Variants in RNF144A observed in about 807,000 individuals in gnomAD.
RNF144A encodes the protein E3 ubiquitin-protein ligase RNF144A.
Under a neutral mutation model 38.7 loss-of-function variants are expected in RNF144A, and 11 were observed. The ratio of observed to expected loss-of-function variants is 0.28; its 90% CI spans 0.18 to 0.47. The LOEUF is 0.47. Among genes scored for constraint, RNF144A ranks in the 20% least tolerant of loss-of-function variants. The pLI is 0.99. For missense variants in RNF144A, 316 were observed against 377.2 expected (o/e 0.84, Z 1.34); for synonymous variants, 149 against 143.9 (o/e 1.04, Z -0.25).
chr2:6,975,655 TC>T lies in RNF144A; in HGVS notation c.-11-21260del, dbSNP rs537892799. Among the ~76,000 whole-genome samples the T allele has an allele frequency of 1.2e-3, 186 of 152,246 alleles. No homozygotes were observed. The South Asian group carries it at 0.014, about 11-fold the overall frequency. The stretch of plus-strand genomic sequence containing the variant: ...CTGGGCAACAAGTTGAAAGCCCATC[TC>T]TGCAAAAAATGCAAAAATTAGTCAG... On this transcript the variant is annotated intron_variant, in intron 2 of 8. Transcript: ENST00000320892.
downstream of RNF144A, among the ~76,000 whole-genome samples, chr2:7,048,186 G>C (rs1013846727): frequency 1.3e-5 from 2 of 152,120 alleles, no homozygotes; most frequent in Admixed American, 6.5e-5. Context: ...AGGCACACCC[G>C]TACGATCTCA....
chr2:7,063,078 T>C (rs1449508165), intron 6 of RNF144A, among the ~76,000 whole-genome samples: 1 of 151,240 alleles, frequency 6.6e-6, no homozygotes, highest in African/African-American at 2.5e-5. Context: ...GGACACCTAG[T>C]CTGAATGCTA....
downstream of RNF144A, among the ~76,000 whole-genome samples, chr2:7,072,147 G>A (rs1439358664): frequency 1.3e-5 from 2 of 152,248 alleles, no homozygotes; most frequent in Non-Finnish European, 2.9e-5. Flanking sequence ...ATTGGGCAAT[G>A]AGCAGAGGCT....
chr2:7,018,611 C>A (rs3771963), intron 5 of RNF144A, among the ~76,000 whole-genome samples: 5,645 of 152,352 alleles, frequency 0.037, 190 homozygotes, highest in South Asian at 0.15. Context: ...CCACAGACAA[C>A]AACTGCGTTT....
chr2:6,985,797 C>T (rs1366405679), intron 2 of RNF144A, among the ~76,000 whole-genome samples: 5 of 152,146 alleles, frequency 3.3e-5, no homozygotes, highest in South Asian at 2.1e-4. Context: ...CTCAGCCTCC[C>T]GAGTAGCTGG....
In RNF144A at chr2:7,031,867, C is replaced by T. The variant is rs549468274; in HGVS notation, c.747+1652C>T. Among the ~76,000 whole-genome samples, 22 of 152,356 alleles carry T rather than the reference C, an allele frequency of 1.4e-4. No individual in the cohort carries two copies. In the South Asian group the frequency reaches 2.1e-3, roughly 14 times the overall value. On this transcript the variant is annotated intron_variant, in intron 8 of 8. Transcript: ENST00000320892. ...TGCTGCACCTGTCAACTCCACCTGG[C>T]GGCACAGAAGCTGCCAACGGTACGT...
chr2:7,007,394 G>A (rs1353770135), intron 3 of RNF144A, among the ~76,000 whole-genome samples: 2 of 152,196 alleles, frequency 1.3e-5, no homozygotes, highest in Non-Finnish European at 2.9e-5. Flanking sequence ...GACATTCTGA[G>A]TATTTGCACG....
At chr2:6,919,680 G>T (rs576815259) in intron 1 of RNF144A, among the ~76,000 whole-genome samples, 1 of 152,288 alleles carries the variant, frequency 6.6e-6, no homozygotes, top group African/African-American at 2.4e-5. Context: ...GGCATCAAAG[G>T]CTGTGGATGG....
At chr2:7,034,614 G>A (rs12476778) in intron 8 of RNF144A, among the ~76,000 whole-genome samples, 19,503 of 152,296 alleles carry the variant, frequency 0.13, 2,000 homozygotes, top group East Asian at 0.56. Flanking sequence ...TTTGTGGCAC[G>A]TGCACCTGCC....
chr2:7,049,529 T>G (rs309291), intron 6 of RNF144A, among the ~76,000 whole-genome samples: 54,683 of 152,082 alleles, frequency 0.36, 10,770 homozygotes, highest in South Asian at 0.56. Context: ...AGGATGAAGA[T>G]GACAAAAATT....
At chr2:7,056,392 G>T (rs1276291715) in intron 6 of RNF144A, among the ~76,000 whole-genome samples, 5 of 151,828 alleles carry the variant, frequency 3.3e-5, no homozygotes, top group African/African-American at 1.2e-4. Context: ...CCTTATCTTG[G>T]GACATGTCTC....
intron 2 of RNF144A, among the ~76,000 whole-genome samples, chr2:6,981,370 G>T (rs950450585): frequency 6.6e-6 from 1 of 151,022 alleles, no homozygotes; most frequent in African/African-American, 2.4e-5. Flanking sequence ...ATTTCATATC[G>T]TCTCTTTGTG....
In RNF144A at chr2:7,038,199, C is replaced by T. The variant is rs151139518; in HGVS notation, c.748-1430C>T. Among the ~76,000 whole-genome samples the T allele has an allele frequency of 4.9e-3, 748 of 152,366 alleles. 7 individuals are homozygous for T. The highest frequency in any genetic ancestry group is 0.016 in the African/African-American group (679 of 41,578). ...CAGGGGGCCAGGTCATTCTCTGATG[C>T]ACCATGCCTGTGTCTTTTCTGTTTT... On this transcript the variant is annotated intron_variant, in intron 8 of 8. Coordinates refer to ENST00000320892, the MANE Select transcript of RNF144A (RefSeq NM_014746.6).
intron 8 of RNF144A, among the ~76,000 whole-genome samples, chr2:7,037,357 A>G (rs1672747416): frequency 6.6e-6 from 1 of 152,252 alleles, no homozygotes; most frequent in Admixed American, 6.5e-5. Flanking sequence ...GGATTTTGGC[A>G]TTATTTTGAC....
chr2:6,965,210 C>CG (rs1667583831), intron 2 of RNF144A, among the ~76,000 whole-genome samples: 1 of 152,182 alleles, frequency 6.6e-6, no homozygotes, highest in African/African-American at 2.4e-5. Flanking sequence ...CTTGCAGACA[C>CG]ATGCACTGGG....
intron 1 of RNF144A, among the ~76,000 whole-genome samples, chr2:6,937,264 A>T (rs1168088940): frequency 6.6e-6 from 1 of 152,206 alleles, no homozygotes; most frequent in African/African-American, 2.4e-5. Context: ...GCACTTCATT[A>T]GCGCCCATTT....
chr2:6,958,010 G>C lies in RNF144A; in HGVS notation c.-12+16863G>C, dbSNP rs541788370. Among the ~76,000 whole-genome samples, 83 of 152,366 alleles carry C rather than the reference G, an allele frequency of 5.4e-4. 2 individuals carry two copies. In the South Asian group the frequency reaches 8.5e-3, roughly 16 times the overall value. On this transcript the variant is annotated intron_variant, in intron 2 of 8. Coordinates refer to ENST00000320892, the MANE Select transcript of RNF144A (RefSeq NM_014746.6). The surrounding 1 kb of genome is among the most constrained non-coding windows in gnomAD (Gnocchi z 4.5). ...GGATTTGCCCAGTTAGGCAACGACA[G>C]AATGGGGTGGGGGAGTCGGGATGGA...
intron 2 of RNF144A, among the ~76,000 whole-genome samples, chr2:6,966,874 G>A (rs1313896224): frequency 6.6e-6 from 1 of 152,128 alleles, no homozygotes; most frequent in Non-Finnish European, 1.5e-5. Context: ...CCAGGTCTCT[G>A]GTTATATATA....
intron 2 of RNF144A, among the ~76,000 whole-genome samples, chr2:6,993,570 C>T (rs1237225417): frequency 6.6e-5 from 10 of 152,038 alleles, no homozygotes; most frequent in African/African-American, 1.7e-4. Context: ...GAACTGTTCA[C>T]GCGGGGTGGA....
Sources: allele counts gnomAD v4.1 joint callset (sites outside exome capture counted in the v4.1 genomes callset), GRCh38; gene constraint gnomAD v4.1.1; non-coding constraint Gnocchi (gnomAD v3.1); transcripts MANE v1.5; gene names NCBI Gene and HGNC (gene_info 2026-07-23, HGNC 2026-07-21).